MSRA: variants seen among roughly 807,000 people sequenced by gnomAD.
The protein encoded by MSRA is mitochondrial peptide methionine sulfoxide reductase.
A neutral mutation model predicts 31.3 loss-of-function variants in MSRA; 54 were observed. The observed-to-expected ratio is 1.73, with a 90% CI of 1.39 to 2.17. The LOEUF is 2.17. MSRA is among the 30% of genes most tolerant of loss of function. The pLI, the probability that MSRA is intolerant of heterozygous loss-of-function variation, is 0.00. For missense variants in MSRA, 507 were observed against 300.9 expected (o/e 1.69, Z -5.07); for synonymous variants, 169 against 116.5 (o/e 1.45, Z -2.90).
chr8:10,428,310 T>C lies in MSRA; in HGVS notation c.706T>C (p.Ter236GlnextTer24). ...GTCCTGCCCAGTGGGTATTAAAAAA[T>C]AATTTCTCCCCACATGGTGGGCCTT... is the stretch of plus-strand genomic sequence containing the variant. ...GVSCPVGIKK* is the reference protein window; with the variant it reads ...GVSCPVGIKKQ The change falls in exon 6 of 6, where the codon TAA becomes CAA. Residue 236 changes from the stop codon to glutamine (Q), a stop_lost. Transcript: ENST00000317173. The C allele has an allele frequency of 1.2e-6, 2 of 1,612,048 alleles. No individual in the cohort carries two copies. The highest frequency in any genetic ancestry group is 1.3e-5 in the African/African-American group (1 of 74,934).
chr8:10,151,018 A>T lies in MSRA; in HGVS notation c.143-56815A>T, dbSNP rs538135182. Among the ~76,000 whole-genome samples, 17 of 151,592 alleles carry T rather than the reference A, an allele frequency of 1.1e-4. No individual in the cohort carries two copies. In the South Asian group the frequency reaches 3.5e-3, roughly 32 times the overall value. ...GCATGTGTGTGTCAGGTGGGCAGTG[A>T]TGGGGGGGTGGGGATGAGGCATGGT... On this transcript the variant is annotated intron_variant, in intron 1 of 5. Coordinates refer to ENST00000317173, the MANE Select transcript of MSRA (RefSeq NM_012331.5).
chr8:10,083,602 A>G (rs930580129), intron 1 of MSRA, among the ~76,000 whole-genome samples: 3 of 152,238 alleles, frequency 2.0e-5, no homozygotes, highest in Non-Finnish European at 2.9e-5. Flanking sequence ...TGAGTTAAGT[A>G]TCAAATTGGG....
chr8:10,074,441 G>C (rs972036037), intron 1 of MSRA, among the ~76,000 whole-genome samples: 2 of 152,070 alleles, frequency 1.3e-5, no homozygotes, highest in African/African-American at 4.8e-5. Flanking sequence ...ACTGAAAAGA[G>C]TGGGATGAAG....
intron 5 of MSRA, among the ~76,000 whole-genome samples, chr8:10,405,769 AC>A (rs1334854354): frequency 2.0e-5 from 1 of 49,834 alleles, no homozygotes; most frequent in African/African-American, 4.3e-5. Context: ...GCTCACACAC[AC>A]CTATGTGCTC....
chr8:10,239,646 C>T (rs896465191), intron 2 of MSRA, among the ~76,000 whole-genome samples: 2 of 152,206 alleles, frequency 1.3e-5, no homozygotes, highest in African/African-American at 2.4e-5. Context: ...ATAGCTGTAT[C>T]TTATAACTCA....
intron 3 of MSRA, among the ~76,000 whole-genome samples, chr8:10,290,707 A>G (rs529676298): frequency 2.0e-5 from 3 of 152,194 alleles, no homozygotes; most frequent in Non-Finnish European, 4.4e-5. Flanking sequence ...CCCACTGACA[A>G]CAAGGCACAC....
chr8:10,370,450 C>G (rs191908136), intron 5 of MSRA, among the ~76,000 whole-genome samples: 2 of 152,328 alleles, frequency 1.3e-5, no homozygotes, highest in African/African-American at 4.8e-5. Flanking sequence ...CCTGAGGCTT[C>G]CAAGGAAACA....
At chr8:10,115,605 A>G (rs1800618405) in intron 1 of MSRA, among the ~76,000 whole-genome samples, 1 of 152,188 alleles carries the variant, frequency 6.6e-6, no homozygotes, top group African/African-American at 2.4e-5. Context: ...GATTTGATGG[A>G]GAGAGTGGTC....
intron 1 of MSRA, among the ~76,000 whole-genome samples, chr8:10,186,481 C>T (rs1223118937): frequency 6.6e-6 from 1 of 152,030 alleles, no homozygotes; most frequent in African/African-American, 2.4e-5. Context: ...GTTGTTCAGC[C>T]ATTAAAATAT....
intron 3 of MSRA, among the ~76,000 whole-genome samples, chr8:10,293,236 T>A (rs1255829135): frequency 6.6e-6 from 1 of 152,108 alleles, no homozygotes; most frequent in African/African-American, 2.4e-5. Context: ...GGGTGCGCCA[T>A]CCCTATGATG....
intron 1 of MSRA, among the ~76,000 whole-genome samples, chr8:10,126,897 A>G (rs145042373): frequency 6.6e-6 from 1 of 152,226 alleles, no homozygotes; most frequent in Non-Finnish European, 1.5e-5. Flanking sequence ...TGAGAATGCA[A>G]TGCTGCTACT....
intron 1 of MSRA, among the ~76,000 whole-genome samples, chr8:10,137,094 G>A (rs1390630096): frequency 6.6e-6 from 1 of 152,158 alleles, no homozygotes; most frequent in East Asian, 1.9e-4. Flanking sequence ...GATCCTTGTT[G>A]TGTTCTGAAG....
chr8:10,228,446 C>A (rs566956780), intron 2 of MSRA, among the ~76,000 whole-genome samples: 2 of 152,212 alleles, frequency 1.3e-5, no homozygotes, highest in African/African-American at 4.8e-5. Context: ...AATTATGCTC[C>A]CTTCCCGAGA....
chr8:10,206,892 A>G (rs779447624), intron 1 of MSRA, among the ~76,000 whole-genome samples: 5 of 152,174 alleles, frequency 3.3e-5, no homozygotes, highest in Non-Finnish European at 7.4e-5. Context: ...GAACTGTGTC[A>G]TCCTTCCCTA....
chr8:10,278,120 T>A (rs574992832), intron 3 of MSRA, among the ~76,000 whole-genome samples: 1 of 152,350 alleles, frequency 6.6e-6, no homozygotes, highest in East Asian at 1.9e-4. Flanking sequence ...TCTACAGATA[T>A]CATTTTCAGA....
intron 3 of MSRA, among the ~76,000 whole-genome samples, chr8:10,272,171 A>G (rs1044780561): frequency 2.6e-5 from 4 of 152,194 alleles, no homozygotes; most frequent in African/African-American, 9.6e-5. Context: ...GTAAAAGCTT[A>G]TTATATTAGT....
At chr8:10,172,651 C>T (rs1036334423) in intron 1 of MSRA, among the ~76,000 whole-genome samples, 1 of 152,054 alleles carries the variant, frequency 6.6e-6, no homozygotes, top group Non-Finnish European at 1.5e-5. Flanking sequence ...TTGTAAATAC[C>T]AATTGGAAGT....
rs554832694 is a variant in MSRA, at chr8:10,142,676, C to T, written c.143-65157C>T. The stretch of plus-strand genomic sequence containing the variant: ...TCTGACTTCTGTTTGTTTTTAATGT[C>T]CTCTGCAATTGAAAGAAGACAGTGA... On this transcript the variant is annotated intron_variant, in intron 1 of 5. Transcript: ENST00000317173. Among the ~76,000 whole-genome samples the T allele has an allele frequency of 5.3e-5, 8 of 152,254 alleles. No individual in the cohort carries two copies. In the South Asian group the frequency reaches 6.2e-4, roughly 12 times the overall value.
At chr8:10,217,175 A>G (rs1585193068) in intron 2 of MSRA, among the ~76,000 whole-genome samples, 1 of 152,322 alleles carries the variant, frequency 6.6e-6, no homozygotes, top group East Asian at 1.9e-4. Flanking sequence ...GGAATCACAC[A>G]TATTTTGGAT....
Sources: gnomAD v4.1 joint callset for allele counts (sites outside exome capture counted in the v4.1 genomes callset) on GRCh38, gnomAD v4.1.1 for gene constraint, MANE v1.5 for transcripts, NCBI Gene and HGNC (gene_info 2026-07-23, HGNC 2026-07-21) for gene names.